SLMAP: variants seen among roughly 807,000 people sequenced by gnomAD.
The protein encoded by SLMAP is sarcolemmal membrane-associated protein.
A neutral mutation model predicts 128.8 loss-of-function variants in SLMAP; 44 were observed. The ratio of observed to expected loss-of-function variants is 0.34; its 90% CI spans 0.27 to 0.44. The LOEUF (loss-of-function observed/expected upper bound fraction) is 0.44. SLMAP is among the 20% of genes least tolerant of loss of function. The pLI is 1.00. For missense variants in SLMAP, 787 were observed against 985.3 expected (o/e 0.80, Z 2.69); for synonymous variants, 327 against 348.8 (o/e 0.94, Z 0.70).
intron 14 of SLMAP, among the ~76,000 whole-genome samples, chr3:57,873,819 T>G (rs1479844852): frequency 6.6e-6 from 1 of 151,838 alleles, no homozygotes; most frequent in Non-Finnish European, 1.5e-5. Context: ...ATAAAAAACT[T>G]TAAAAAATTA....
At chr3:57,794,048 CAGAG>C (rs750651612) in intron 2 of SLMAP, among the ~76,000 whole-genome samples, 8 of 151,732 alleles carry the variant, frequency 5.3e-5, no homozygotes, top group Non-Finnish European at 7.4e-5. Context: ...GCCTGGGTAA[CAGAG>C]AGAGAGAGAC....
At chr3:57,845,350 G>A (rs950362524) in intron 4 of SLMAP, among the ~76,000 whole-genome samples, 3 of 152,200 alleles carry the variant, frequency 2.0e-5, no homozygotes, top group African/African-American at 7.2e-5. Flanking sequence ...GCTCAGAAGG[G>A]AGGTGGGTGC....
chr3:57,867,574 G>A (rs2095340962), intron 13 of SLMAP, among the ~76,000 whole-genome samples: 1 of 152,078 alleles, frequency 6.6e-6, no homozygotes, highest in Admixed American at 6.6e-5. Flanking sequence ...TATTTTAAAA[G>A]AAACTAAGCA....
intron 2 of SLMAP, among the ~76,000 whole-genome samples, chr3:57,772,686 G>A (rs2081114457): frequency 6.6e-6 from 1 of 151,866 alleles, no homozygotes; most frequent in Admixed American, 6.6e-5. Context: ...TGTTGCCCAG[G>A]CTGGAGTGCA....
At chr3:57,762,295 G>T (rs1204435350) in intron 2 of SLMAP, among the ~76,000 whole-genome samples, 2 of 151,994 alleles carry the variant, frequency 1.3e-5, no homozygotes, top group Non-Finnish European at 2.9e-5. Context: ...CTTGAACCCG[G>T]GAGGCGGAGG....
At chr3:57,858,230 A>G (rs1268440292) in intron 8 of SLMAP, 71 bp downstream of exon 8, 1 of 888,132 alleles carries the variant, frequency 1.1e-6, no homozygotes, top group Admixed American at 1.9e-5. Flanking sequence ...TTTGACTATC[A>G]TTTTGAGTAT....
intron 21 of SLMAP, among the ~76,000 whole-genome samples, chr3:57,913,516 C>T (rs746429290): frequency 1.6e-4 from 24 of 151,998 alleles, no homozygotes; most frequent in Non-Finnish European, 2.9e-4. Flanking sequence ...CATTAAATGT[C>T]CCAAAGAAAC....
intron 2 of SLMAP, among the ~76,000 whole-genome samples, chr3:57,781,499 G>T (rs978589662): frequency 1.3e-5 from 2 of 152,036 alleles, no homozygotes; most frequent in African/African-American, 4.8e-5. Context: ...TACCTTTCTT[G>T]TAAAGGAGAG....
chr3:57,818,591 A>G (rs1052534419), intron 2 of SLMAP, among the ~76,000 whole-genome samples: 1 of 152,214 alleles, frequency 6.6e-6, no homozygotes, highest in Non-Finnish European at 1.5e-5. Context: ...ACTGGCAATG[A>G]TTATTGTAAA....
At chr3:57,904,703 T>A (rs970554418) in intron 17 of SLMAP, among the ~76,000 whole-genome samples, 3 of 152,040 alleles carry the variant, frequency 2.0e-5, no homozygotes, top group Non-Finnish European at 4.4e-5. Context: ...GGAGTTCGAG[T>A]TTATCTCCCA....
intron 17 of SLMAP, chr3:57,901,359 G>A (rs2096375302): frequency 6.6e-6 from 1 of 152,262 alleles, no homozygotes; most frequent in South Asian, 2.1e-4. Flanking sequence ...GCCATCAGCA[G>A]TCAAAGAAAA....
At chr3:57,894,583 A>G (rs1296946069) in intron 15 of SLMAP, among the ~76,000 whole-genome samples, 3 of 152,262 alleles carry the variant, frequency 2.0e-5, no homozygotes, top group Non-Finnish European at 4.4e-5. Context: ...GAAAGAAGAT[A>G]TATACATATA....
intron 6 of SLMAP, among the ~76,000 whole-genome samples, chr3:57,854,890 G>A (rs1313920346): frequency 1.3e-5 from 2 of 152,106 alleles, no homozygotes; most frequent in African/African-American, 4.8e-5. Context: ...TTGTCTTTGT[G>A]TGAACATTAT....
intron 2 of SLMAP, among the ~76,000 whole-genome samples, chr3:57,792,817 A>G (rs914729889): frequency 1.3e-5 from 2 of 152,180 alleles, no homozygotes; most frequent in African/African-American, 4.8e-5. Context: ...AGTCTGGGCT[A>G]CATTATGTTT....
rs1236350459 is a variant in SLMAP, at chr3:57,921,464, T to TA, written c.2311-1421dup. On this transcript the variant is annotated intron_variant, in intron 22 of 24. Transcript: ENST00000671191. ...CAACATGGTGAAACTCCATTTCTAC[T>TA]AAAAGTACAAAACATACCAGATGTG... Among the ~76,000 whole-genome samples the TA allele has an allele frequency of 2.0e-5, 3 of 151,876 alleles. No homozygotes were observed. The South Asian group carries it at 6.2e-4, about 32-fold the overall frequency.
chr3:57,926,394 G>A (rs1323643557), intron 24 of SLMAP: 1 of 157,598 alleles, frequency 6.3e-6, no homozygotes, highest in Non-Finnish European at 1.4e-5. Flanking sequence ...CCCTTTGCCT[G>A]TTTATACTAT....
At chr3:57,802,643 C>T (rs1484332955) in intron 2 of SLMAP, among the ~76,000 whole-genome samples, 1 of 152,160 alleles carries the variant, frequency 6.6e-6, no homozygotes, top group African/African-American at 2.4e-5. Context: ...GTCTTTTTAT[C>T]TGGCTGGTTT....
Position 57,927,434 on chromosome 3 carries a change from A to G in SLMAP, c.*145A>G. The G allele has an allele frequency of 8.4e-7, 1 of 1,191,218 alleles. No individual in the cohort carries two copies. The highest frequency in any genetic ancestry group is 1.2e-6 in the Non-Finnish European group (1 of 825,106). The allele number at this position is 1,191,218 out of a possible 1,614,324, so 73.8% of individuals were successfully genotyped here. Reference sequence around the variant, plus strand: ...CACCGTCCTCCCTCTAGAAGCTGGCATCACACTCATGCTGGGGACAAACAG... The same window carrying G: ...CACCGTCCTCCCTCTAGAAGCTGGCGTCACACTCATGCTGGGGACAAACAG... On this transcript the variant is annotated 3_prime_UTR_variant, in exon 25 of 25. Coordinates refer to ENST00000671191, the MANE Select transcript of SLMAP (RefSeq NM_001377540.1).
At chr3:57,792,803 A>G (rs1218999491) in intron 2 of SLMAP, among the ~76,000 whole-genome samples, 2 of 152,170 alleles carry the variant, frequency 1.3e-5, no homozygotes, top group South Asian at 2.1e-4. Context: ...AAAGAAATGT[A>G]AAAAGTCTGG....
Sources: allele counts gnomAD v4.1 joint callset (sites outside exome capture counted in the v4.1 genomes callset), GRCh38; gene constraint gnomAD v4.1.1; transcripts MANE v1.5; gene names NCBI Gene and HGNC (gene_info 2026-07-23, HGNC 2026-07-21).